Variants in CADM2 observed in about 807,000 individuals in gnomAD.
CADM2 encodes the protein immunoglobulin superfamily member 4D.
Under a neutral mutation model 49.8 loss-of-function variants are expected in CADM2, and 12 were observed. The ratio of observed to expected loss-of-function variants is 0.24; its 90% confidence interval spans 0.15 to 0.39. The LOEUF is 0.39. Among genes scored for constraint, CADM2 ranks in the 10% least tolerant of loss-of-function variants. The pLI, the probability that CADM2 is intolerant of heterozygous loss-of-function variation, is 1.00. For missense variants in CADM2, 378 were observed against 492.3 expected, an observed-to-expected ratio of 0.77 and a Z score of 2.20; for synonymous variants, 214 against 175.4, an observed-to-expected ratio of 1.22 and a Z score of -1.74.
chr3:85,289,247 T>G (rs961946790), intron 1 of CADM2, among the ~76,000 whole-genome samples: 4 of 152,198 alleles, frequency 2.6e-5, no homozygotes, highest in Non-Finnish European at 5.9e-5. Flanking sequence ...GTCTCCACAT[T>G]ACTAATTATG....
At chr3:85,778,926 A>G (rs761813822) in intron 2 of CADM2, among the ~76,000 whole-genome samples, 5 of 152,212 alleles carry the variant, frequency 3.3e-5, no homozygotes, top group Non-Finnish European at 7.3e-5. Flanking sequence ...ACACACAAAG[A>G]TCTATTGGAC....
chr3:86,061,410 G>A (rs947038906), intron 8 of CADM2, among the ~76,000 whole-genome samples: 7 of 151,866 alleles, frequency 4.6e-5, no homozygotes, highest in African/African-American at 1.7e-4. Context: ...ATTATTTTAT[G>A]GTAAGTTACA....
chr3:86,049,019 A>G (rs889852177), intron 8 of CADM2, among the ~76,000 whole-genome samples: 2 of 152,138 alleles, frequency 1.3e-5, no homozygotes, highest in African/African-American at 4.8e-5. Flanking sequence ...TTAGTAAAGA[A>G]TTGTTGTACC....
chr3:85,131,911 GAC>G (rs760189592), intron 1 of CADM2, among the ~76,000 whole-genome samples: 2 of 150,422 alleles, frequency 1.3e-5, no homozygotes, highest in Non-Finnish European at 3.0e-5. Flanking sequence ...GGTCAGTAGA[GAC>G]ACACAGAATA....
chr3:85,632,049 C>G (rs1352256749), intron 1 of CADM2, among the ~76,000 whole-genome samples: 1 of 152,040 alleles, frequency 6.6e-6, no homozygotes, highest in Non-Finnish European at 1.5e-5. Context: ...TAGTTTGGCT[C>G]TGTGTCCCAC....
intron 1 of CADM2, among the ~76,000 whole-genome samples, chr3:85,247,244 G>A (rs1454099816): frequency 1.3e-5 from 2 of 152,124 alleles, no homozygotes; most frequent in African/African-American, 2.4e-5. Context: ...AATACAGTAA[G>A]TGTGGTGTTA....
At chr3:85,948,194 A>G (rs929430122) in intron 7 of CADM2, among the ~76,000 whole-genome samples, 1 of 151,556 alleles carries the variant, frequency 6.6e-6, no homozygotes, top group East Asian at 1.9e-4. Flanking sequence ...CAACATAGTA[A>G]TTGTAGAAAG....
intron 1 of CADM2, among the ~76,000 whole-genome samples, chr3:85,004,378 G>C (rs1185047891): frequency 6.6e-6 from 1 of 152,088 alleles, no homozygotes; most frequent in Non-Finnish European, 1.5e-5. Context: ...TATTCACAAA[G>C]TACTTTTTTT....
chr3:85,582,461 G>A (rs2062826160), intron 1 of CADM2, among the ~76,000 whole-genome samples: 2 of 152,136 alleles, frequency 1.3e-5, no homozygotes. Context: ...GTCTTAGTTA[G>A]CGCAGGCTGC....
In CADM2 at chr3:86,071,842, T is replaced by C. The variant is rs1274788628; in HGVS notation, c.*5059T>C. The C allele has an allele frequency of 6.6e-6, 1 of 152,014 alleles. No individual in the cohort carries two copies. Among genetic ancestry groups the C allele is most frequent in the African/African-American group, 2.4e-5 (1 of 41,448 alleles). 9.4% of individuals were successfully genotyped at this position (152,014 alleles called of 1,614,324 possible). On this transcript the variant is annotated 3_prime_UTR_variant, in exon 10 of 10. Transcript: ENST00000383699. ...TATTTCAATGTTAATATAATTGTAT[T>C]GGTTTTTAAAAATAATTAAAATGGC...
intron 1 of CADM2, among the ~76,000 whole-genome samples, chr3:85,154,316 A>G (rs2107652922): frequency 6.6e-6 from 1 of 152,334 alleles, no homozygotes; most frequent in Non-Finnish European, 1.5e-5. Flanking sequence ...AGCTCATGCG[A>G]TCAACTGGAA....
chr3:85,033,499 G>T (rs140289006), intron 1 of CADM2, among the ~76,000 whole-genome samples: 2 of 152,204 alleles, frequency 1.3e-5, no homozygotes, highest in Admixed American at 6.5e-5. Context: ...AACATGTTTG[G>T]CATAAAATCT....
chr3:85,908,399 A>G (rs962673338), intron 5 of CADM2, among the ~76,000 whole-genome samples: 99 of 151,634 alleles, frequency 6.5e-4, no homozygotes, highest in African/African-American at 2.4e-3. Flanking sequence ...TCTCCTGAAT[A>G]TAAGGAGATT....
At chr3:85,071,044 T>A (rs1303120887) in intron 1 of CADM2, among the ~76,000 whole-genome samples, 1 of 149,848 alleles carries the variant, frequency 6.7e-6, no homozygotes, top group African/African-American at 2.5e-5. Flanking sequence ...ATAAATAAAA[T>A]ACTTATTATG....
intron 2 of CADM2, among the ~76,000 whole-genome samples, chr3:85,756,172 T>A (rs189845947): frequency 3.3e-5 from 5 of 152,056 alleles, no homozygotes; most frequent in African/African-American, 1.2e-4. Context: ...TTTTTTTTTT[T>A]AATTACACCA....
chr3:85,568,448 T>TTTCTTTCTTTCA lies in CADM2; in HGVS notation c.62-158063_62-158062insATTCTTTCTTTC, dbSNP rs1559915880. On this transcript the variant is annotated intron_variant, in intron 1 of 9. Transcript: ENST00000383699. ...CTTTCTTTCTTTCTTTCTTTCTTTCTTTCTTTCTTTCTTTCTCTTTCTCTC... is the reference window on the plus strand; with the variant it reads ...CTTTCTTTCTTTCTTTCTTTCTTTCTTTCTTTCTTTCATTCTTTCTTTCTTTCTCTTTCTCTC... Among the ~76,000 whole-genome samples, 69 of 34,578 alleles carry TTTCTTTCTTTCA rather than the reference T, an allele frequency of 2.0e-3. 6 individuals carry two copies. The highest frequency in any genetic ancestry group is 0.01 in the Admixed American group (28 of 2,706). The allele number at this position is 34,578 out of a possible 152,430, so 22.7% of individuals were successfully genotyped here. A position where few individuals can be genotyped will look rare whatever the true frequency, so the allele number is the denominator to read the frequency against.
At chr3:85,668,422 G>C (rs942594604) in intron 1 of CADM2, among the ~76,000 whole-genome samples, 1 of 151,720 alleles carries the variant, frequency 6.6e-6, no homozygotes, top group African/African-American at 2.4e-5. Flanking sequence ...GGTGGTTTAT[G>C]ATTGATATGG....
At chr3:85,688,479 G>A (rs182902411) in intron 1 of CADM2, among the ~76,000 whole-genome samples, 21 of 151,946 alleles carry the variant, frequency 1.4e-4, no homozygotes, top group Admixed American at 3.9e-4. Context: ...AGATGTTGAG[G>A]CACTGGAATT....
chr3:85,543,420 A>ATGTGTGTGGGGGGGGGTGTGTGTGTGTG (rs372108050), intron 1 of CADM2, among the ~76,000 whole-genome samples: 5 of 129,584 alleles, frequency 3.9e-5, no homozygotes, highest in Non-Finnish European at 5.0e-5. Context: ...TGCCAAGCTA[A>ATGTGTGTGGGGGGGGGTGTGTGTGTGTG]TGTGTGTGTG....
Sources: allele counts gnomAD v4.1 joint callset (sites outside exome capture counted in the v4.1 genomes callset), GRCh38; gene constraint gnomAD v4.1.1; transcripts MANE v1.5; gene names NCBI Gene and HGNC (gene_info 2026-07-23, HGNC 2026-07-21).